AGBL1: variants seen among roughly 807,000 people sequenced by gnomAD.
The protein encoded by AGBL1 is AGBL carboxypeptidase 1, also known as cytosolic carboxypeptidase 4.
A neutral mutation model predicts 118.9 loss-of-function variants in AGBL1; 130 were observed. That is an observed-to-expected ratio of 1.09 (90% confidence interval 0.95 to 1.26). AGBL1 has a LOEUF of 1.26. Among genes scored for constraint, AGBL1 ranks in the 50% most tolerant of loss-of-function variants. The pLI is 0.00. For missense variants in AGBL1, 1,584 were observed against 1,298.1 expected, an observed-to-expected ratio of 1.22 and a Z score of -3.38; for synonymous variants, 555 against 478.9, an observed-to-expected ratio of 1.16 and a Z score of -2.08.
intron 4 of AGBL1, among the ~76,000 whole-genome samples, chr15:86,155,491 G>C (rs2077176445): frequency 6.6e-6 from 1 of 152,094 alleles, no homozygotes; most frequent in Admixed American, 6.6e-5. Context: ...AATTCATACA[G>C]ATAAAAAGTC....
intron 22 of AGBL1, among the ~76,000 whole-genome samples, chr15:86,865,555 G>A (rs752533937): frequency 7.9e-5 from 12 of 152,120 alleles, no homozygotes; most frequent in South Asian, 2.1e-4. Context: ...TAGTTTAAGC[G>A]GATGACAAGT....
intron 21 of AGBL1, among the ~76,000 whole-genome samples, chr15:86,612,987 G>C (rs1377837093): frequency 2.0e-5 from 3 of 152,102 alleles, no homozygotes; most frequent in African/African-American, 7.2e-5. Context: ...GCCTTTCCAG[G>C]CCAAACCAAT....
intron 22 of AGBL1, among the ~76,000 whole-genome samples, chr15:86,872,131 G>A (rs919560649): frequency 4.6e-5 from 7 of 152,198 alleles, no homozygotes; most frequent in Non-Finnish European, 1.0e-4. Context: ...GCAGCCCCAC[G>A]CACACGTGGG....
intron 17 of AGBL1, among the ~76,000 whole-genome samples, chr15:86,308,359 T>TG (rs11423287): frequency 0.075 from 11,463 of 152,164 alleles, 930 homozygotes; most frequent in African/African-American, 0.2. Flanking sequence ...CAAGAGAGAT[T>TG]ACTCCCTTTC....
At chr15:86,540,101 T>C (rs2083474289) in intron 19 of AGBL1, among the ~76,000 whole-genome samples, 1 of 152,212 alleles carries the variant, frequency 6.6e-6, no homozygotes, top group African/African-American at 2.4e-5. Flanking sequence ...AAAATGAGCA[T>C]AATAATAGCA....
At chr15:86,746,354 C>T (rs1162637643) in intron 22 of AGBL1, among the ~76,000 whole-genome samples, 6 of 152,100 alleles carry the variant, frequency 3.9e-5, no homozygotes, top group African/African-American at 1.4e-4. Flanking sequence ...TTGCTATTCC[C>T]AGTTCCTAAA....
Position 86,542,356 on chromosome 15 carries a change from A to AT in AGBL1, c.2686-3619dup, listed in dbSNP as rs71144054. On this transcript the variant is annotated intron_variant, in intron 19 of 22. Coordinates refer to ENST00000614907, the MANE Select transcript of AGBL1 (RefSeq NM_001386094.1). ...GTTTGTAGGGGATGCCACCATTGAG[A>AT]TTTTTTTTTTTTTTTTTTTTTTTTT... Among the ~76,000 whole-genome samples the AT allele has an allele frequency of 7.5e-3, 873 of 116,302 alleles. 11 individuals carry two copies. The highest frequency in any genetic ancestry group is 0.02 in the African/African-American group (574 of 28,314). 76.3% of individuals were successfully genotyped at this position (116,302 alleles called of 152,430 possible). A position where few individuals can be genotyped will look rare whatever the true frequency, so the allele number is the denominator to read the frequency against.
At chr15:86,983,567 A>C (rs776473508) in intron 23 of AGBL1, among the ~76,000 whole-genome samples, 2 of 152,204 alleles carry the variant, frequency 1.3e-5, no homozygotes, top group African/African-American at 4.8e-5. Flanking sequence ...ATGTAATTAT[A>C]TGCAATAAAT....
At chr15:86,771,083 G>A (rs2078172803) in intron 22 of AGBL1, among the ~76,000 whole-genome samples, 2 of 152,034 alleles carry the variant, frequency 1.3e-5, no homozygotes, top group African/African-American at 4.8e-5. Context: ...AGGCCCTGAG[G>A]AGGGAGGTGT....
chr15:86,721,005 T>G (rs1238074773), intron 22 of AGBL1, among the ~76,000 whole-genome samples: 1 of 152,052 alleles, frequency 6.6e-6, no homozygotes, highest in African/African-American at 2.4e-5. Flanking sequence ...AGGCAATAAT[T>G]AATAGCTTAC....
rs779352001 is a variant in AGBL1, at chr15:86,475,392, G to A, written c.2556-47418G>A. ...AGAAGTCCTTAAATGACCTGATGGA[G>A]CTGAAAACCATGACACGAGAACTAT... On this transcript the variant is annotated intron_variant, in intron 18 of 22. Transcript: ENST00000614907. Among the ~76,000 whole-genome samples, 7 of 152,284 alleles carry A rather than the reference G, an allele frequency of 4.6e-5. No homozygotes were observed. The South Asian group carries it at 1.5e-3, about 32-fold the overall frequency.
chr15:86,241,093 A>G (rs2078634488), intron 6 of AGBL1, among the ~76,000 whole-genome samples: 1 of 152,202 alleles, frequency 6.6e-6, no homozygotes, highest in South Asian at 2.1e-4. Context: ...CAGCATGCGT[A>G]AAGAGGAGTG....
chr15:86,863,128 TAGAA>T (rs2079581521), intron 22 of AGBL1, among the ~76,000 whole-genome samples: 1 of 152,142 alleles, frequency 6.6e-6, no homozygotes, highest in African/African-American at 2.4e-5. Context: ...TGCGTATAAA[TAGAA>T]AGAGCATGTG....
chr15:86,619,751 A>G (rs1365666658), intron 21 of AGBL1, among the ~76,000 whole-genome samples: 1 of 152,208 alleles, frequency 6.6e-6, no homozygotes, highest in East Asian at 1.9e-4. Context: ...TAGAGGTACA[A>G]TACCCGGGGC....
intron 1 of AGBL1, among the ~76,000 whole-genome samples, chr15:86,103,061 A>C (rs542503766): frequency 6.6e-6 from 1 of 152,152 alleles, no homozygotes; most frequent in South Asian, 2.1e-4. Context: ...TCAAGCACTG[A>C]AATTGTTTCT....
intron 22 of AGBL1, among the ~76,000 whole-genome samples, chr15:86,869,267 C>T (rs1038765028): frequency 1.3e-5 from 2 of 152,074 alleles, no homozygotes; most frequent in African/African-American, 4.8e-5. Context: ...CACCCCCCAC[C>T]GTGTCTTCCC....
intron 21 of AGBL1, among the ~76,000 whole-genome samples, chr15:86,672,121 TA>T (rs1473611266): frequency 6.6e-6 from 1 of 151,314 alleles, no homozygotes; most frequent in Non-Finnish European, 1.5e-5. Flanking sequence ...TGTGTGAGAG[TA>T]AAGAGAAAAA....
At chr15:86,262,096 C>CTTTTTTTTTTTTTTTTTTTTTTT (rs2078999763) in intron 9 of AGBL1, among the ~76,000 whole-genome samples, 1 of 3,230 alleles carries the variant, frequency 3.1e-4, no homozygotes, top group East Asian at 6.5e-3. Flanking sequence ...TTTTTTTTTG[C>CTTTTTTTTTTTTTTTTTTTTTTT]CATTTAGGTC....
At chr15:86,648,520 T>C (rs1335721681) in intron 21 of AGBL1, among the ~76,000 whole-genome samples, 1 of 152,144 alleles carries the variant, frequency 6.6e-6, no homozygotes, top group Non-Finnish European at 1.5e-5. Context: ...GTGGGGACAA[T>C]ATAAACAATT....
Sources: gnomAD v4.1 joint callset for allele counts (sites outside exome capture counted in the v4.1 genomes callset) on GRCh38, gnomAD v4.1.1 for gene constraint, MANE v1.5 for transcripts, NCBI Gene and HGNC (gene_info 2026-07-23, HGNC 2026-07-21) for gene names.